The following CDH13 variants were observed in gnomAD, a reference collection of about 807,000 sequenced individuals.
CDH13 encodes cadherin 13, also known as cadherin-13.
In CDH13, 24 loss-of-function variants were observed where a neutral mutation model predicts 63.8. The observed-to-expected ratio is 0.38, with a 90% CI of 0.27 to 0.53. The LOEUF (loss-of-function observed/expected upper bound fraction) is 0.53, where lower values mean the gene tolerates loss of function less well. CDH13 is among the 20% of genes least tolerant of loss of function. CDH13 has a pLI of 0.85. For synonymous variants in CDH13, 503 were observed against 355.3 expected, an observed-to-expected ratio of 1.42 and a Z score of -4.67; for missense variants, 1,049 against 903.1, an observed-to-expected ratio of 1.16 and a Z score of -2.07.
At chr16:83,771,816 T>C (rs927212049) in intron 11 of CDH13, among the ~76,000 whole-genome samples, 1 of 152,204 alleles carries the variant, frequency 6.6e-6, no homozygotes, top group Non-Finnish European at 1.5e-5. Flanking sequence ...TGCCTACAAG[T>C]CCTCATTTCC....
intron 5 of CDH13, among the ~76,000 whole-genome samples, chr16:83,233,395 C>T (rs1488543788): frequency 1.3e-5 from 2 of 152,196 alleles, no homozygotes; most frequent in Non-Finnish European, 2.9e-5. Flanking sequence ...GCTGACTCAA[C>T]GAGTAGGTGG....
intron 5 of CDH13, among the ~76,000 whole-genome samples, chr16:83,277,715 G>A (rs979145829): frequency 6.6e-6 from 1 of 151,996 alleles, no homozygotes; most frequent in African/African-American, 2.4e-5. Flanking sequence ...AAACGTGAAA[G>A]CCCTGCAATA....
At chr16:83,618,868 T>G (rs1567808918) in intron 8 of CDH13, among the ~76,000 whole-genome samples, 1 of 152,138 alleles carries the variant, frequency 6.6e-6, no homozygotes, top group African/African-American at 2.4e-5. Flanking sequence ...ATTCCACAGT[T>G]CCAGTGTGCT....
At chr16:82,638,619 A>C (rs560605270) in intron 1 of CDH13, among the ~76,000 whole-genome samples, 1 of 152,098 alleles carries the variant, frequency 6.6e-6, no homozygotes, top group South Asian at 2.1e-4. Context: ...GGGGGAAATG[A>C]CTGTGCATGT....
intron 7 of CDH13, among the ~76,000 whole-genome samples, chr16:83,499,490 T>G (rs2074221393): frequency 6.6e-6 from 1 of 152,246 alleles, no homozygotes; most frequent in Admixed American, 6.5e-5. Context: ...ATCATTAGCT[T>G]GAACAACCAG....
At chr16:82,796,686 G>A (rs1366818778) in intron 1 of CDH13, among the ~76,000 whole-genome samples, 1 of 152,206 alleles carries the variant, frequency 6.6e-6, no homozygotes, top group Non-Finnish European at 1.5e-5. Flanking sequence ...ATGGACACTG[G>A]CCCTAGTGGC....
At chr16:82,928,532 C>G (rs2042378469) in intron 2 of CDH13, among the ~76,000 whole-genome samples, 1 of 152,160 alleles carries the variant, frequency 6.6e-6, no homozygotes, top group Non-Finnish European at 1.5e-5. Context: ...CAATATCTGC[C>G]AATCCTTTGG....
chr16:83,068,294 T>A (rs1372548982), intron 3 of CDH13, among the ~76,000 whole-genome samples: 1 of 152,188 alleles, frequency 6.6e-6, no homozygotes, highest in Non-Finnish European at 1.5e-5. Context: ...CCATATAACT[T>A]TCATCCCCAC....
intron 4 of CDH13, among the ~76,000 whole-genome samples, chr16:83,155,159 G>T (rs1447864486): frequency 1.3e-5 from 2 of 152,174 alleles, no homozygotes; most frequent in Non-Finnish European, 2.9e-5. Flanking sequence ...ACCAAATTTG[G>T]CAAAGACAAG....
intron 10 of CDH13, among the ~76,000 whole-genome samples, chr16:83,729,711 G>T (rs1048916416): frequency 3.3e-5 from 5 of 152,318 alleles, no homozygotes; most frequent in African/African-American, 9.6e-5. Context: ...CATGTAAAGT[G>T]CTTGGAAATT....
intron 4 of CDH13, among the ~76,000 whole-genome samples, chr16:83,179,255 G>C (rs183413272): frequency 6.6e-6 from 1 of 152,088 alleles, no homozygotes; most frequent in Admixed American, 6.5e-5. Context: ...CAGAACTTTT[G>C]TGTTCCATGC....
intron 7 of CDH13, among the ~76,000 whole-genome samples, chr16:83,530,314 G>A (rs1248515918): frequency 1.3e-5 from 2 of 152,128 alleles, no homozygotes; most frequent in Non-Finnish European, 2.9e-5. Flanking sequence ...GAATTTTGTG[G>A]AGTCACCACT....
At chr16:83,709,010 C>A (rs182318606) in intron 10 of CDH13, among the ~76,000 whole-genome samples, 1 of 151,670 alleles carries the variant, frequency 6.6e-6, no homozygotes, top group Non-Finnish European at 1.5e-5. Context: ...GGCAACAGAG[C>A]GAGACCCTGT....
chr16:83,790,182 A>G (rs1916166542), intron 13 of CDH13: 1 of 152,212 alleles, frequency 6.6e-6, no homozygotes, highest in Non-Finnish European at 1.5e-5. Context: ...CAGCGAGGCC[A>G]GCATTCACCA....
intron 6 of CDH13, among the ~76,000 whole-genome samples, chr16:83,421,628 T>G (rs2071716606): frequency 1.3e-5 from 2 of 151,898 alleles, no homozygotes; most frequent in Admixed American, 1.3e-4. Context: ...TCCTATAGAC[T>G]TCTTATGATT....
chr16:83,727,276 TG>T (rs2150946348), intron 10 of CDH13, among the ~76,000 whole-genome samples: 1 of 94,046 alleles, frequency 1.1e-5, no homozygotes, highest in African/African-American at 5.5e-5. Flanking sequence ...TCAGCTAACA[TG>T]TGATATCCTT....
chr16:82,700,068 G>A (rs1383633886), intron 1 of CDH13, among the ~76,000 whole-genome samples: 1 of 135,682 alleles, frequency 7.4e-6, no homozygotes, highest in African/African-American at 3.4e-5. Context: ...GTGACACAAA[G>A]TATATTTTAT....
chr16:83,059,668 T>G (rs2031316741), intron 3 of CDH13, among the ~76,000 whole-genome samples: 1 of 152,002 alleles, frequency 6.6e-6, no homozygotes. Flanking sequence ...GCAGGCTGAC[T>G]TTCTGGTTCC....
chr16:82,849,672 A>G (rs139309389), intron 1 of CDH13, among the ~76,000 whole-genome samples: 22 of 152,358 alleles, frequency 1.4e-4, no homozygotes, highest in African/African-American at 5.3e-4. Flanking sequence ...GATCCCATCT[A>G]GGACTTTCAT....
Sources: gnomAD v4.1 joint callset for allele counts (sites outside exome capture counted in the v4.1 genomes callset) on GRCh38, gnomAD v4.1.1 for gene constraint, MANE v1.5 for transcripts, NCBI Gene and HGNC (gene_info 2026-07-23, HGNC 2026-07-21) for gene names.